The following PCDHGB5 variants were observed in gnomAD, a reference collection of about 807,000 sequenced individuals.
The protein encoded by PCDHGB5 is protocadherin gamma-B5.
PCDHGB5 carries 48 observed loss-of-function variants against 62.9 expected under a neutral mutation model. The observed-to-expected ratio is 0.76, with a 90% CI of 0.61 to 0.97. The LOEUF is 0.97. Ranked by LOEUF, PCDHGB5 falls within the 50% of genes least tolerant of loss-of-function variation. The pLI, the probability that PCDHGB5 is intolerant of heterozygous loss-of-function variation, is 0.00. For synonymous variants in PCDHGB5, 474 were observed against 511.2 expected (o/e 0.93, Z 0.98); for missense variants, 1,118 against 1,198.6 (o/e 0.93, Z 0.99).
chr5:141,486,211 T>C lies in PCDHGB5; in HGVS notation c.2398-8596T>C, dbSNP rs779905477. On this transcript the variant is annotated intron_variant, in intron 1 of 3. Coordinates refer to ENST00000617380, the MANE Select transcript of PCDHGB5 (RefSeq NM_018925.3). The surrounding 1 kb of genome is among the most constrained non-coding windows in gnomAD (Gnocchi z 5.0). ...TGGATCTGCTGGACGTAAATGACAA[T>C]GCCCCTTACATCACAGTGACCTCAG... 6.2e-7 allele frequency: 1 copy of C among 1,614,142 alleles called. No homozygotes were observed. Among genetic ancestry groups the C allele is most frequent in the Non-Finnish European group, 8.5e-7 (1 of 1,180,024 alleles).
chr5:141,417,851 G>T (rs1196210157), intron 1 of PCDHGB5: 1 of 1,543,508 alleles, frequency 6.5e-7, no homozygotes. Flanking sequence ...GCGAGAACCC[G>T]AGCGAACGAT....
rs748098945 is a variant in PCDHGB5 at position 141,399,515 on chromosome 5, C to G, written c.1388C>G (p.Pro463Arg). ...YLVSVPENNPPGASIAQVCAS... is the reference protein window; with the variant it reads ...YLVSVPENNPRGASIAQVCAS... Reference sequence around the variant, plus strand: ...GTCAGTGTACCCGAAAACAACCCTCCTGGGGCCTCCATCGCGCAAGTCTGC... The same window carrying G: ...GTCAGTGTACCCGAAAACAACCCTCGTGGGGCCTCCATCGCGCAAGTCTGC... Residue 463 changes from proline (P) to arginine (R), a missense_variant, in exon 1 of 4, where the codon CCT (proline) becomes CGT (arginine). By Grantham distance (103) the Pro-to-Arg change is moderately radical. Around this residue, in one of 2 missense-constraint regions of PCDHGB5, gnomAD observed 1,034 missense variants for 1,029.1 expected, o/e 1.00. Coordinates refer to ENST00000617380, the MANE Select transcript of PCDHGB5 (RefSeq NM_018925.3). 1 of 1,614,040 alleles carries G rather than the reference C, an allele frequency of 6.2e-7. No homozygotes were observed. The highest frequency in any genetic ancestry group is 8.5e-7 in the Non-Finnish European group (1 of 1,179,900).
intron 1 of PCDHGB5, among the ~76,000 whole-genome samples, chr5:141,464,549 C>T (rs2099086404): frequency 6.6e-6 from 1 of 152,014 alleles, no homozygotes; most frequent in Non-Finnish European, 1.5e-5. Flanking sequence ...TAGCTATTCC[C>T]CATCTTGCAT....
In PCDHGB5 at chr5:141,512,874, C is replaced by G. The variant is rs2099884476; in HGVS notation, c.*1701C>G. The G allele has an allele frequency of 6.6e-6, 1 of 152,246 alleles. No homozygotes were observed. Among genetic ancestry groups the G allele is most frequent in the Non-Finnish European group, 1.5e-5 (1 of 68,062 alleles). 9.4% of individuals were successfully genotyped at this position (152,246 alleles called of 1,614,324 possible). ...CTTCTCTTCGCATAGTCACGTAGCT[C>G]CCACCCCACCCTCTTCCTGTGTCTC... On this transcript the variant is annotated 3_prime_UTR_variant, in exon 4 of 4. Transcript: ENST00000617380.
chr5:141,413,530 A>G (rs879218343), intron 1 of PCDHGB5: 1 of 1,613,954 alleles, frequency 6.2e-7, no homozygotes, highest in Non-Finnish European at 8.5e-7. Context: ...AGACAGGGTG[A>G]AACTTTTTGG....
intron 1 of PCDHGB5, among the ~76,000 whole-genome samples, chr5:141,424,964 A>G (rs62378457): frequency 0.11 from 16,148 of 152,126 alleles, 960 homozygotes; most frequent in African/African-American, 0.17. Flanking sequence ...ATTTGCCCCA[A>G]ATTACTTGGA....
chr5:141,478,520 G>A, intron 1 of PCDHGB5: 1 of 1,610,510 alleles, frequency 6.2e-7, no homozygotes, highest in Non-Finnish European at 8.5e-7. Context: ...GCAGGTGTTG[G>A]GTGCAGAGAG....
intron 1 of PCDHGB5, chr5:141,409,322 C>A (rs1161029892): frequency 6.2e-7 from 1 of 1,613,988 alleles, no homozygotes; most frequent in Non-Finnish European, 8.5e-7. Flanking sequence ...AACACGGGAT[C>A]TGGATTTCGG....
At chr5:141,408,716 A>G in intron 1 of PCDHGB5, 2 of 1,611,732 alleles carry the variant, frequency 1.2e-6, no homozygotes, top group East Asian at 2.2e-5. Context: ...AGATTATAAG[A>G]TAAACTCTAA....
At chr5:141,415,974 C>T (rs2095976813) in intron 1 of PCDHGB5, 1 of 375,644 alleles carries the variant, frequency 2.7e-6, no homozygotes, top group African/African-American at 2.1e-5. Flanking sequence ...GCCCCTTAAG[C>T]AACCCTCTTG....
Position 141,476,657 on chromosome 5 carries a change from G to A in PCDHGB5, c.2398-18150G>A, listed in dbSNP as rs759887729. On this transcript the variant is annotated intron_variant, in intron 1 of 3. Coordinates refer to ENST00000617380, the MANE Select transcript of PCDHGB5 (RefSeq NM_018925.3). This position sits in a 1 kb window ranked among gnomAD's most constrained non-coding sequence, Gnocchi z 7.6. ...TGAGCTGAGCCGAAATGAATACTTTGCGCTTCGCGTGCAGACGCGGGAGGA... is the reference window on the plus strand; with the variant it reads ...TGAGCTGAGCCGAAATGAATACTTTACGCTTCGCGTGCAGACGCGGGAGGA... 1.9e-6 allele frequency: 3 copies of A among 1,614,140 alleles called. No homozygotes were observed. Among genetic ancestry groups the A allele is most frequent in the Non-Finnish European group, 2.5e-6 (3 of 1,180,060 alleles).
rs11953770 is a variant in PCDHGB5 at position 141,510,741 on chromosome 5, C to T, written c.2546-206C>T. On this transcript the variant is annotated intron_variant, in intron 3 of 3. Coordinates refer to ENST00000617380, the MANE Select transcript of PCDHGB5 (RefSeq NM_018925.3). ...TAAGGAAAGGAGCTAGGAATCAAACCTAGACTTTCTCACTCCAGAGCCTCT... is the reference window on the plus strand; with the variant it reads ...TAAGGAAAGGAGCTAGGAATCAAACTTAGACTTTCTCACTCCAGAGCCTCT... Among the ~76,000 whole-genome samples the T allele has an allele frequency of 2.6e-5, 4 of 152,138 alleles. No homozygotes were observed. In the South Asian group the frequency reaches 8.3e-4, roughly 32 times the overall value.
chr5:141,403,690 T>G, intron 1 of PCDHGB5: 1 of 1,613,908 alleles, frequency 6.2e-7, no homozygotes, highest in Non-Finnish European at 8.5e-7. Context: ...CTCAACGGAT[T>G]TACCGAGTTA....
At chr5:141,468,560 T>TA (rs2099169084) in intron 1 of PCDHGB5, 1 of 152,004 alleles carries the variant, frequency 6.6e-6, no homozygotes, top group Non-Finnish European at 1.5e-5. Context: ...ATTTGTGATA[T>TA]AGTAAACAAT....
chr5:141,510,949 G>C lies in PCDHGB5; in HGVS notation c.2548G>C (p.Ala850Pro), dbSNP rs762789865. The C allele has an allele frequency of 2.2e-5, 36 of 1,614,012 alleles. No homozygotes were observed. The highest frequency in any genetic ancestry group is 3.0e-5 in the Non-Finnish European group (35 of 1,180,020). ...CTGATCTTCCTCTGTCTCTGCAGAA[G>C]CTGCTGATGGGAGCTCCACCCTGGG... ...QAMILASASE[A>P]ADGSSTLGGG... is the part of the protein sequence containing the mutation. The change falls in exon 4 of 4, where the codon GCT (alanine) becomes CCT (proline). Residue 850 changes from alanine (A) to proline (P), a missense_variant and splice_region_variant. Around this residue, in one of 2 missense-constraint regions of PCDHGB5, gnomAD observed 1,034 missense variants for 1,029.1 expected, o/e 1.00. Coordinates refer to ENST00000617380, the MANE Select transcript of PCDHGB5 (RefSeq NM_018925.3).
Position 141,485,465 on chromosome 5 carries a change from C to T in PCDHGB5, c.2398-9342C>T. ...AATCGACCGAGAGGCACTGTGTGGG[C>T]TCAGTGCCAGCTGCATCGTGCCCCT... On this transcript the variant is annotated intron_variant, in intron 1 of 3. Coordinates refer to ENST00000617380, the MANE Select transcript of PCDHGB5 (RefSeq NM_018925.3). This position sits in a 1 kb window ranked among gnomAD's most constrained non-coding sequence, Gnocchi z 5.7. 6.2e-7 allele frequency: 1 copy of T among 1,614,162 alleles called. No homozygotes were observed.
In PCDHGB5 at chr5:141,400,116, C is replaced by T; in HGVS notation, c.1989C>T (p.Ser663=). The T allele has an allele frequency of 1.2e-6, 2 of 1,614,086 alleles. No individual in the cohort carries two copies. The highest frequency in any genetic ancestry group is 1.7e-6 in the Non-Finnish European group (2 of 1,179,904). Residue 663 remains serine, a synonymous_variant, in exon 1 of 4, where the codon AGC becomes AGT. Coordinates refer to ENST00000617380, the MANE Select transcript of PCDHGB5 (RefSeq NM_018925.3). ...TATLHLVFAD[S]LQEVLPDITD... ...CGCTGCACTTGGTCTTTGCTGACAG[C>T]TTGCAGGAGGTGCTGCCGGATATCA...
intron 1 of PCDHGB5, among the ~76,000 whole-genome samples, chr5:141,401,212 G>A (rs2094128608): frequency 6.6e-6 from 1 of 151,930 alleles, no homozygotes; most frequent in Non-Finnish European, 1.5e-5. Context: ...TGTGGTGGCG[G>A]GCGCCTGTAA....
At chr5:141,438,159 T>TA (rs974013542) in intron 1 of PCDHGB5, among the ~76,000 whole-genome samples, 44 of 152,258 alleles carry the variant, frequency 2.9e-4, no homozygotes, top group African/African-American at 9.9e-4. Context: ...ATGGCAAAGC[T>TA]AATTGGAAAA....
Sources: gnomAD v4.1 joint callset for allele counts (sites outside exome capture counted in the v4.1 genomes callset) on GRCh38, gnomAD v4.1.1 for gene constraint, gnomAD v4.1.1 regional missense constraint, Gnocchi (gnomAD v3.1) non-coding constraint, MANE v1.5 for transcripts, NCBI Gene and HGNC (gene_info 2026-07-23, HGNC 2026-07-21) for gene names.